Variants in OR1J2 observed in about 807,000 individuals in gnomAD.
OR1J2 encodes the protein olfactory receptor 1J2.
For synonymous variants in OR1J2, 142 were observed against 99.7 expected (o/e 1.42, Z -2.52); for missense variants, 304 against 246.1 (o/e 1.24, Z -1.57).
the OR1J2 span, chr9:122,526,611 G>T: frequency 3.1e-6 from 5 of 1,614,170 alleles, no homozygotes; most frequent in East Asian, 6.7e-5. Flanking sequence ...CCCACCACGG[G>T]TTCGGACCCT....
chr9:122,451,152 C>CATCATT, the OR1J2 span, among the ~76,000 whole-genome samples: 288 of 137,574 alleles, frequency 2.1e-3, 1 homozygote, highest in South Asian at 4.4e-3. Flanking sequence ...CTATCACCTG[C>CATCATT]ATTATTATTA....
At chr9:122,574,192 T>C in the OR1J2 span, among the ~76,000 whole-genome samples, 1 of 152,180 alleles carries the variant, frequency 6.6e-6, no homozygotes, top group South Asian at 2.1e-4. Context: ...ACTCTGGGTC[T>C]TTTGCCTCTA....
chr9:122,523,368 G>A, the OR1J2 span, among the ~76,000 whole-genome samples: 1 of 152,158 alleles, frequency 6.6e-6, no homozygotes, highest in African/African-American at 2.4e-5. Flanking sequence ...TTTAGACATT[G>A]CCTTGCAAGT....
the OR1J2 span, among the ~76,000 whole-genome samples, chr9:122,565,953 A>G: frequency 6.6e-6 from 1 of 152,320 alleles, no homozygotes; most frequent in South Asian, 2.1e-4. Flanking sequence ...CTGCTCTTCC[A>G]AGGCCTAAGC....
At chr9:122,522,315 TCA>T in the OR1J2 span, among the ~76,000 whole-genome samples, 2 of 152,234 alleles carry the variant, frequency 1.3e-5, no homozygotes, top group Admixed American at 1.3e-4. Context: ...ACTAATTCTT[TCA>T]CAGTGTGACA....
At chr9:122,531,371 G>A in the OR1J2 span, among the ~76,000 whole-genome samples, 1 of 152,212 alleles carries the variant, frequency 6.6e-6, no homozygotes, top group Non-Finnish European at 1.5e-5. Flanking sequence ...AGTGTAAACT[G>A]GCAGTGTAAA....
At chr9:122,532,572 T>G in the OR1J2 span, among the ~76,000 whole-genome samples, 1 of 144,620 alleles carries the variant, frequency 6.9e-6, no homozygotes, top group Middle Eastern at 3.6e-3. Flanking sequence ...CAACAAAGAG[T>G]GAATACAGCT....
chr9:122,526,110 C>A, the OR1J2 span, among the ~76,000 whole-genome samples: 3 of 152,272 alleles, frequency 2.0e-5, no homozygotes, highest in East Asian at 5.8e-4. Context: ...ATAGCTATCC[C>A]TTATTGAACA....
chr9:122,500,177 G>A, the OR1J2 span, among the ~76,000 whole-genome samples: 2 of 152,168 alleles, frequency 1.3e-5, no homozygotes, highest in Non-Finnish European at 1.5e-5. Context: ...GTCAGTCCTG[G>A]GTCTGGGAAA....
chr9:122,563,217 C>A, the OR1J2 span, among the ~76,000 whole-genome samples: 153 of 150,636 alleles, frequency 1.0e-3, no homozygotes, highest in Admixed American at 8.2e-3. Context: ...AATAGCCATT[C>A]TAACTGGGAT....
chr9:122,467,285 C>G, the OR1J2 span, among the ~76,000 whole-genome samples: 1 of 152,206 alleles, frequency 6.6e-6, no homozygotes, highest in Non-Finnish European at 1.5e-5. Context: ...CCATTTCTTT[C>G]CATCTTGGTC....
At chr9:122,450,569 C>T in the OR1J2 span, among the ~76,000 whole-genome samples, 1 of 152,188 alleles carries the variant, frequency 6.6e-6, no homozygotes, top group Non-Finnish European at 1.5e-5. Flanking sequence ...CATATAATCA[C>T]CTCAAATGCT....
chr9:122,522,444 C>G, the OR1J2 span, among the ~76,000 whole-genome samples: 1 of 152,034 alleles, frequency 6.6e-6, no homozygotes, highest in Non-Finnish European at 1.5e-5. Context: ...TAAGAGTAAA[C>G]AAAAATTATT....
At chr9:122,449,604 C>T in the OR1J2 span, among the ~76,000 whole-genome samples, 1 of 152,106 alleles carries the variant, frequency 6.6e-6, no homozygotes, top group South Asian at 2.1e-4. Context: ...CTCCTGACCT[C>T]GTGATCCTTC....
chr9:122,455,970 T>C, the OR1J2 span, among the ~76,000 whole-genome samples: 2 of 152,218 alleles, frequency 1.3e-5, no homozygotes, highest in African/African-American at 4.8e-5. Context: ...CATTGAATGG[T>C]CTTAGCACCC....
chr9:122,552,749 A>AGT, the OR1J2 span, among the ~76,000 whole-genome samples: 20,739 of 129,112 alleles, frequency 0.16, 1,711 homozygotes, highest in East Asian at 0.24. Context: ...AGAGGGCTTG[A>AGT]GTGTGTGTGT....
At chr9:122,476,889 G>C in the OR1J2 span, 1 of 682,388 alleles carries the variant, frequency 1.5e-6, no homozygotes, top group Non-Finnish European at 2.5e-6. Flanking sequence ...TGTATTTTTA[G>C]TAGAGACTGG....
At chr9:122,468,758 C>A in the OR1J2 span, among the ~76,000 whole-genome samples, 1 of 152,168 alleles carries the variant, frequency 6.6e-6, no homozygotes, top group Non-Finnish European at 1.5e-5. Context: ...TTTCCTCATG[C>A]CATGGAAGCC....
the OR1J2 span, among the ~76,000 whole-genome samples, chr9:122,500,001 T>C: frequency 1.3e-5 from 2 of 152,206 alleles, no homozygotes; most frequent in African/African-American, 2.4e-5. Context: ...AGCACAATTA[T>C]AGCACCTACT....
Sources: allele counts gnomAD v4.1 joint callset (sites outside exome capture counted in the v4.1 genomes callset), GRCh38; gene constraint gnomAD v4.1.1; transcripts MANE v1.5; gene names NCBI Gene and HGNC (gene_info 2026-07-23, HGNC 2026-07-21).